Variants in EPHB2 observed in about 807,000 individuals in gnomAD.
The protein encoded by EPHB2 is ephrin type-B receptor 2.
Under a neutral mutation model 96.4 loss-of-function variants are expected in EPHB2, and 18 were observed. The observed-to-expected ratio is 0.19, with a 90% CI of 0.13 to 0.28. The LOEUF (loss-of-function observed/expected upper bound fraction) is 0.28, where lower values mean the gene tolerates loss of function less well. EPHB2 is among the 10% of genes least tolerant of loss of function. EPHB2 has a pLI of 1.00. For synonymous variants in EPHB2, 506 were observed against 534.1 expected, an observed-to-expected ratio of 0.95 and a Z score of 0.72; for missense variants, 989 against 1,355.4, an observed-to-expected ratio of 0.73 and a Z score of 4.25.
chr1:22,801,156 G>A (rs973181580), intron 3 of EPHB2, among the ~76,000 whole-genome samples: 6 of 152,318 alleles, frequency 3.9e-5, no homozygotes, highest in East Asian at 3.9e-4. Flanking sequence ...TCCTCTGCCC[G>A]ATAGGCACAG....
At chr1:22,878,290 C>G (rs112905131) in intron 5 of EPHB2, among the ~76,000 whole-genome samples, 2,024 of 152,388 alleles carry the variant, frequency 0.013, 63 homozygotes, top group African/African-American at 0.046. Flanking sequence ...AAGGCTGAAT[C>G]ACTTTGACCA....
intron 1 of EPHB2, among the ~76,000 whole-genome samples, chr1:22,765,269 G>A (rs967698012): frequency 2.0e-5 from 3 of 152,074 alleles, no homozygotes; most frequent in Admixed American, 1.3e-4. Flanking sequence ...GAGTCTAGCC[G>A]GGTGCAGTGG....
intron 3 of EPHB2, among the ~76,000 whole-genome samples, chr1:22,833,881 G>A (rs1173039999): frequency 6.6e-6 from 1 of 152,066 alleles, no homozygotes; most frequent in Non-Finnish European, 1.5e-5. Context: ...AAGGGTAAAA[G>A]GAGAGAAAAT....
chr1:22,763,874 T>G (rs1348217765), intron 1 of EPHB2, among the ~76,000 whole-genome samples: 1 of 152,130 alleles, frequency 6.6e-6, no homozygotes, highest in Non-Finnish European at 1.5e-5. Flanking sequence ...TTCTAGAGGC[T>G]ACCTGCATCC....
At chr1:22,720,886 G>A (rs1178664241) in intron 1 of EPHB2, among the ~76,000 whole-genome samples, 2 of 152,140 alleles carry the variant, frequency 1.3e-5, no homozygotes, top group Non-Finnish European at 2.9e-5. Flanking sequence ...CCAGAGAAAG[G>A]GGCCTTGGGC....
In EPHB2 at chr1:22,865,065, C is replaced by G. The variant is rs1206457903; in HGVS notation, c.1156C>G (p.Leu386Val). ...GDNVQYAPRQ[L>V]GLTEPRIYIS... ...CAATGTACAGTACGCACCACGCCAG[C>G]TAGGCCTGACCGAGCCACGCATTTA... The change falls in exon 5 of 16, where the codon CTA (leucine) becomes GTA (valine). Residue 386 changes from leucine to valine, a missense_variant. Transcript: ENST00000374630. The G allele has an allele frequency of 1.2e-6, 2 of 1,614,112 alleles. No homozygotes were observed. Among genetic ancestry groups the G allele is most frequent in the East Asian group, 2.2e-5 (1 of 44,896 alleles).
chr1:22,730,280 C>T (rs1643678373), intron 1 of EPHB2, among the ~76,000 whole-genome samples: 1 of 152,234 alleles, frequency 6.6e-6, no homozygotes, highest in Non-Finnish European at 1.5e-5. Context: ...GACAGACGTG[C>T]ACTCAGATCC....
intron 7 of EPHB2, among the ~76,000 whole-genome samples, chr1:22,893,525 G>A (rs990127602): frequency 6.6e-6 from 1 of 152,190 alleles, no homozygotes; most frequent in South Asian, 2.1e-4. Flanking sequence ...ATCGTAACCT[G>A]TGTGCTACGT....
chr1:22,754,366 G>A (rs531957370), intron 1 of EPHB2, among the ~76,000 whole-genome samples: 9 of 152,232 alleles, frequency 5.9e-5, no homozygotes, highest in African/African-American at 1.9e-4. Context: ...TCCATATCCC[G>A]CCATAAATAA....
intron 9 of EPHB2, among the ~76,000 whole-genome samples, chr1:22,898,831 AC>A (rs1639655807): frequency 6.6e-6 from 1 of 152,198 alleles, no homozygotes; most frequent in Admixed American, 6.5e-5. Flanking sequence ...GGATGTGGAT[AC>A]GTAAGAATGA....
rs758261769 is a variant in EPHB2, at chr1:22,910,434, C to T, written c.2555C>T (p.Pro852Leu). ...DYRLPPPMDC[P>L]SALHQLMLDC... Reference sequence around the variant, plus strand: ...CGGCTGCCACCGCCCATGGACTGCCCGAGCGCCCTGCACCAACTCATGCTG... The same window carrying T: ...CGGCTGCCACCGCCCATGGACTGCCTGAGCGCCCTGCACCAACTCATGCTG... Residue 852 changes from proline (P) to leucine (L), a missense_variant, in exon 14 of 16, where the codon CCG becomes CTG. By Grantham distance (98) the Pro-to-Leu change is moderately conservative. Transcript: ENST00000374630. The T allele has an allele frequency of 5.0e-6, 8 of 1,614,096 alleles. No individual in the cohort carries two copies. In the East Asian group the frequency reaches 6.7e-5, roughly 13 times the overall value.
At chr1:22,743,162 G>A (rs538717048) in intron 1 of EPHB2, among the ~76,000 whole-genome samples, 16 of 152,078 alleles carry the variant, frequency 1.1e-4, no homozygotes, top group Non-Finnish European at 1.9e-4. Context: ...GAAACAGTGG[G>A]AGTACAAGCA....
chr1:22,814,455 G>A (rs141972627), intron 3 of EPHB2, among the ~76,000 whole-genome samples: 3 of 152,212 alleles, frequency 2.0e-5, no homozygotes, highest in Non-Finnish European at 4.4e-5. Context: ...CCTATGCAGG[G>A]TGATGCTGGA....
At chr1:22,813,677 T>C (rs1177409200) in intron 3 of EPHB2, among the ~76,000 whole-genome samples, 2 of 152,238 alleles carry the variant, frequency 1.3e-5, no homozygotes, top group African/African-American at 4.8e-5. Context: ...CCACCAGCCA[T>C]GTGACCACAG....
At chr1:22,891,694 T>C (rs1570445790) in intron 6 of EPHB2, among the ~76,000 whole-genome samples, 1 of 152,160 alleles carries the variant, frequency 6.6e-6, no homozygotes, top group East Asian at 1.9e-4. Flanking sequence ...AAATTGGTGT[T>C]CTTCATCTCT....
At chr1:22,730,431 G>T (rs1410778077) in intron 1 of EPHB2, among the ~76,000 whole-genome samples, 1 of 152,238 alleles carries the variant, frequency 6.6e-6, no homozygotes, top group East Asian at 1.9e-4. Context: ...GCAGGGGGCA[G>T]CATGGATTGT....
chr1:22,791,704 A>G (rs1644695930), intron 3 of EPHB2, among the ~76,000 whole-genome samples: 1 of 152,080 alleles, frequency 6.6e-6, no homozygotes, highest in Non-Finnish European at 1.5e-5. Context: ...TTAGGATCCC[A>G]TAGAATAAAT....
intron 1 of EPHB2, chr1:22,774,428 A>G (rs1644419759): frequency 3.5e-6 from 1 of 287,264 alleles, no homozygotes; most frequent in African/African-American, 2.3e-5. Flanking sequence ...AGGAGTCAGG[A>G]CAGCTGCCAG....
At chr1:22,779,839 C>T (rs1283272798) in intron 1 of EPHB2, among the ~76,000 whole-genome samples, 4 of 152,186 alleles carry the variant, frequency 2.6e-5, no homozygotes, top group African/African-American at 9.7e-5. Context: ...CATCATGTGG[C>T]CACAGTATGG....
Sources: gnomAD v4.1 joint callset for allele counts (sites outside exome capture counted in the v4.1 genomes callset) on GRCh38, gnomAD v4.1.1 for gene constraint, MANE v1.5 for transcripts, NCBI Gene and HGNC (gene_info 2026-07-23, HGNC 2026-07-21) for gene names.